Variants in THSD7A observed in about 807,000 individuals in gnomAD.
The protein encoded by THSD7A is thrombospondin type 1 domain containing 7A.
A neutral mutation model predicts 231.3 loss-of-function variants in THSD7A; 96 were observed. The observed-to-expected ratio is 0.41, with a 90% CI of 0.35 to 0.49. THSD7A has a LOEUF of 0.49. THSD7A is among the 20% of genes least tolerant of loss of function. The pLI is 0.05. For missense variants in THSD7A, 2,290 were observed against 2,070.2 expected (o/e 1.11, Z -2.06); for synonymous variants, 940 against 743.3 (o/e 1.26, Z -4.30).
At chr7:11,493,483 G>T (rs1003380329) in intron 6 of THSD7A, among the ~76,000 whole-genome samples, 3 of 152,030 alleles carry the variant, frequency 2.0e-5, no homozygotes, top group African/African-American at 7.2e-5. Context: ...AGATATTAGG[G>T]TTATTCATTT....
In THSD7A at chr7:11,444,979, C is replaced by T. The variant is rs1173401509; in HGVS notation, c.3064+1082G>A. Among the ~76,000 whole-genome samples, 1 of 149,236 alleles carries T rather than the reference C, an allele frequency of 6.7e-6. No homozygotes were observed. Among genetic ancestry groups the T allele is most frequent in the Non-Finnish European group, 1.5e-5 (1 of 67,458 alleles). On this transcript the variant is annotated intron_variant, in intron 13 of 27. Transcript: ENST00000423059. This position sits in a 1 kb window ranked among gnomAD's most constrained non-coding sequence, Gnocchi z 4.2. ...TGTATATATATATTAAATGAAACTT[C>T]TTTGTAGTGAGATGTTTAAGAGATT... is the stretch of plus-strand genomic sequence containing the variant.
intron 6 of THSD7A, among the ~76,000 whole-genome samples, chr7:11,487,612 C>G (rs1786712666): frequency 2.0e-5 from 3 of 152,018 alleles, no homozygotes; most frequent in Admixed American, 2.0e-4. Context: ...GTTTAATGGA[C>G]TTACAGTTCC....
chr7:11,596,554 C>T (rs191330788), intron 2 of THSD7A, among the ~76,000 whole-genome samples: 5 of 152,114 alleles, frequency 3.3e-5, no homozygotes, highest in African/African-American at 7.2e-5. Context: ...AAAGGCCAAA[C>T]GGAAGCCATT....
chr7:11,463,947 A>T (rs1353332837), intron 9 of THSD7A, among the ~76,000 whole-genome samples: 1 of 152,146 alleles, frequency 6.6e-6, no homozygotes, highest in Non-Finnish European at 1.5e-5. Flanking sequence ...GACAATCTGT[A>T]AAGAATCCAT....
chr7:11,661,082 G>A (rs1325771901), intron 1 of THSD7A, among the ~76,000 whole-genome samples: 1 of 151,326 alleles, frequency 6.6e-6, no homozygotes, highest in African/African-American at 2.4e-5. Context: ...AAGGAAATAT[G>A]ATGTAATTGT....
chr7:11,448,846 CAT>C (rs1298803668), intron 11 of THSD7A, among the ~76,000 whole-genome samples: 2 of 152,010 alleles, frequency 1.3e-5, no homozygotes, highest in Non-Finnish European at 2.9e-5. Flanking sequence ...ATTTAGTACA[CAT>C]GACTTGACTT....
intron 6 of THSD7A, among the ~76,000 whole-genome samples, chr7:11,484,858 C>T (rs1252565169): frequency 1.5e-5 from 2 of 136,426 alleles, no homozygotes; most frequent in Non-Finnish European, 3.1e-5. Flanking sequence ...ACTCAACCCA[C>T]TGAATCACAA....
At chr7:11,566,013 T>A (rs1790302135) in intron 4 of THSD7A, among the ~76,000 whole-genome samples, 2 of 151,804 alleles carry the variant, frequency 1.3e-5, no homozygotes, top group Admixed American at 6.6e-5. Context: ...ACCCCACTCA[T>A]CGCAAGACAC....
At chr7:11,815,067 G>A (rs922478829) in intron 1 of THSD7A, among the ~76,000 whole-genome samples, 1 of 142,604 alleles carries the variant, frequency 7.0e-6, no homozygotes, top group Non-Finnish European at 1.5e-5. Flanking sequence ...CTTTCATGTA[G>A]CCATTCCCTA....
intron 1 of THSD7A, among the ~76,000 whole-genome samples, chr7:11,724,244 T>C (rs1020150428): frequency 6.6e-6 from 1 of 151,940 alleles, no homozygotes; most frequent in African/African-American, 2.4e-5. Context: ...GAAAGTTAGA[T>C]TGAATATAGT....
chr7:11,574,436 CT>C lies in THSD7A; in HGVS notation c.1453+16023del, dbSNP rs535754264. Among the ~76,000 whole-genome samples, 536 of 138,156 alleles carry C rather than the reference CT, an allele frequency of 3.9e-3. 1 individual carries two copies. The highest frequency in any genetic ancestry group is 4.8e-3 in the Non-Finnish European group (311 of 64,240). The allele number at this position is 138,156 out of a possible 152,430, so 90.6% of individuals were successfully genotyped here. A position where few individuals can be genotyped will look rare whatever the true frequency, so the allele number is the denominator to read the frequency against. ...CTGTCATAGAAAAGGGAAACAAAAA[CT>C]TTTTTTTTTTTTTTTGAGACAGAGT... On this transcript the variant is annotated intron_variant, in intron 4 of 27. Transcript: ENST00000423059.
At chr7:11,483,377 C>A (rs1432958804) in intron 6 of THSD7A, among the ~76,000 whole-genome samples, 4 of 152,184 alleles carry the variant, frequency 2.6e-5, no homozygotes, top group South Asian at 2.1e-4. Flanking sequence ...CATTGCAAGG[C>A]CTTAAATCAT....
chr7:11,402,261 C>T (rs1201666109), intron 22 of THSD7A, among the ~76,000 whole-genome samples: 1 of 152,164 alleles, frequency 6.6e-6, no homozygotes, highest in East Asian at 1.9e-4. Flanking sequence ...TAGGATACAA[C>T]AAATATTTGA....
intron 1 of THSD7A, among the ~76,000 whole-genome samples, chr7:11,667,880 A>G (rs947121207): frequency 4.6e-5 from 7 of 152,216 alleles, no homozygotes; most frequent in African/African-American, 1.4e-4. Context: ...AAGCCATGAA[A>G]GCATATGTAT....
chr7:11,402,469 G>C (rs1783439387), intron 22 of THSD7A, among the ~76,000 whole-genome samples: 1 of 152,152 alleles, frequency 6.6e-6, no homozygotes, highest in Admixed American at 6.5e-5. Context: ...AGGTGAGAGA[G>C]ACAACTGAGC....
chr7:11,433,295 C>T (rs1400675855), intron 13 of THSD7A, among the ~76,000 whole-genome samples: 1 of 151,806 alleles, frequency 6.6e-6, no homozygotes, highest in Non-Finnish European at 1.5e-5. Context: ...GCCTTTTTTC[C>T]TACAGCTGAG....
At chr7:11,557,194 A>T (rs552012932) in intron 4 of THSD7A, among the ~76,000 whole-genome samples, 1 of 151,652 alleles carries the variant, frequency 6.6e-6, no homozygotes, top group East Asian at 1.9e-4. Context: ...GGATTAGGTA[A>T]TTTTGATTAT....
intron 1 of THSD7A, among the ~76,000 whole-genome samples, chr7:11,741,920 C>A (rs763268794): frequency 4.6e-5 from 7 of 151,866 alleles, no homozygotes; most frequent in Non-Finnish European, 1.0e-4. Context: ...CACAAAACAT[C>A]CTCACATTAG....
At chr7:11,392,925 T>A (rs998534421) in intron 23 of THSD7A, among the ~76,000 whole-genome samples, 3 of 152,096 alleles carry the variant, frequency 2.0e-5, no homozygotes, top group Non-Finnish European at 4.4e-5. Flanking sequence ...TGGGATAGGA[T>A]AGAGCACCTG....
Sources: gnomAD v4.1 joint callset for allele counts (sites outside exome capture counted in the v4.1 genomes callset) on GRCh38, gnomAD v4.1.1 for gene constraint, Gnocchi (gnomAD v3.1) non-coding constraint, MANE v1.5 for transcripts, NCBI Gene and HGNC (gene_info 2026-07-23, HGNC 2026-07-21) for gene names.